The following SAMD13 variants were observed in gnomAD, a reference collection of about 807,000 sequenced individuals.
The protein encoded by SAMD13 is sterile alpha motif domain-containing protein 13.
In SAMD13, 9 loss-of-function variants were observed where a neutral mutation model predicts 12.4. The ratio of observed to expected loss-of-function variants is 0.72; its 90% confidence interval spans 0.44 to 1.26. The LOEUF (loss-of-function observed/expected upper bound fraction) is 1.26. Ranked by LOEUF, SAMD13 falls within the 50% of genes most tolerant of loss-of-function variation. The pLI, the probability that SAMD13 is intolerant of heterozygous loss-of-function variation, is 0.00. For synonymous variants in SAMD13, 46 were observed against 45.4 expected (o/e 1.01, Z -0.05); for missense variants, 84 against 119.6 (o/e 0.70, Z 1.39).
intron 2 of SAMD13, among the ~76,000 whole-genome samples, chr1:84,323,172 C>T (rs769511916): frequency 1.3e-5 from 2 of 152,060 alleles, no homozygotes; most frequent in African/African-American, 4.8e-5. Context: ...CAATGAACTC[C>T]TTTCTGAACA....
At chr1:84,336,290 G>C (rs909942353) in intron 3 of SAMD13, among the ~76,000 whole-genome samples, 1 of 151,930 alleles carries the variant, frequency 6.6e-6, no homozygotes, top group Non-Finnish European at 1.5e-5. Context: ...TTATTTGAGA[G>C]AGCCAGTGTA....
chr1:84,347,155 C>A (rs186329183), intron 3 of SAMD13, among the ~76,000 whole-genome samples: 14 of 152,322 alleles, frequency 9.2e-5, no homozygotes, highest in Non-Finnish European at 4.4e-5. Flanking sequence ...ATTCAGATTG[C>A]GGTTTGCCTG....
chr1:84,348,823 C>A (rs916732034), intron 3 of SAMD13, among the ~76,000 whole-genome samples: 1 of 152,140 alleles, frequency 6.6e-6, no homozygotes. Flanking sequence ...GCTGGCAGGG[C>A]CCTACCCCTC....
intron 3 of SAMD13, among the ~76,000 whole-genome samples, chr1:84,325,976 G>A (rs146161728): frequency 6.6e-6 from 1 of 152,250 alleles, no homozygotes; most frequent in East Asian, 1.9e-4. Flanking sequence ...GGAGAAGAAG[G>A]CTAAAGCTCA....
At chr1:84,298,674 C>T, upstream of SAMD13, 1 of 1,063,176 alleles carries the variant, frequency 9.4e-7, no homozygotes. Flanking sequence ...CTCTGCCCTC[C>T]CAAAAACACA....
intron 3 of SAMD13, among the ~76,000 whole-genome samples, chr1:84,337,979 C>A (rs1388614386): frequency 6.6e-6 from 1 of 152,174 alleles, no homozygotes; most frequent in African/African-American, 2.4e-5. Flanking sequence ...CAAGAGTCAC[C>A]TTTGCTCTAG....
rs150776800 is a variant in SAMD13 at position 84,338,776 on chromosome 1, CT to C, written c.166-10853del. On this transcript the variant is annotated intron_variant, in intron 3 of 3. Coordinates refer to ENST00000394834, the MANE Select transcript of SAMD13 (RefSeq NM_001134663.2). ...TTTAAAACCATTAGATCTCCTGAGA[CT>C]TATTCACTATCCTGAGAACAGCATG... Among the ~76,000 whole-genome samples, 496 of 152,172 alleles carry C rather than the reference CT, an allele frequency of 3.3e-3. 1 individual carries two copies. The highest frequency in any genetic ancestry group is 5.4e-3 in the Non-Finnish European group (368 of 67,998).
chr1:84,311,422 T>G (rs1678710435), intron 2 of SAMD13, among the ~76,000 whole-genome samples: 1 of 152,176 alleles, frequency 6.6e-6, no homozygotes, highest in Non-Finnish European at 1.5e-5. Flanking sequence ...AGTAAAATCT[T>G]GAACAGTACA....
In SAMD13 at chr1:84,350,047, GC is replaced by G. The variant is rs1460149481; in HGVS notation, c.*274del. 2.7e-6 allele frequency: 1 copy of G among 365,724 alleles called. No homozygotes were observed. Among genetic ancestry groups the G allele is most frequent in the Non-Finnish European group, 4.3e-6 (1 of 234,364 alleles). 22.7% of individuals were successfully genotyped at this position (365,724 alleles called of 1,614,324 possible). On this transcript the variant is annotated 3_prime_UTR_variant, in exon 4 of 4. Coordinates refer to ENST00000394834, the MANE Select transcript of SAMD13 (RefSeq NM_001134663.2). ...CGATTAGACACTCCTCCCCACAAAG[GC>G]TTTGAAATCATAAGGATTTTCCTCA... is the stretch of plus-strand genomic sequence containing the variant.
chr1:84,308,820 GA>G, intron 2 of SAMD13, among the ~76,000 whole-genome samples: 1 of 152,184 alleles, frequency 6.6e-6, no homozygotes, highest in African/African-American at 2.4e-5. Context: ...TATTAATTGA[GA>G]AAGAAAATTT....
At chr1:84,312,304 C>G (rs939921494) in intron 2 of SAMD13, among the ~76,000 whole-genome samples, 2 of 152,032 alleles carry the variant, frequency 1.3e-5, no homozygotes, top group Middle Eastern at 3.4e-3. Context: ...TGCTATTCAT[C>G]ATGAAATTTC....
At chr1:84,305,678 T>C (rs1187750502) in intron 2 of SAMD13, among the ~76,000 whole-genome samples, 1 of 152,146 alleles carries the variant, frequency 6.6e-6, no homozygotes, top group African/African-American at 2.4e-5. Context: ...TTTTTGTTTG[T>C]AGTGTGAGAT....
At chr1:84,313,133 C>T (rs755114044) in intron 2 of SAMD13, among the ~76,000 whole-genome samples, 1 of 152,056 alleles carries the variant, frequency 6.6e-6, no homozygotes, top group Non-Finnish European at 1.5e-5. Context: ...TGCACATACT[C>T]TATGTATCCA....
At chr1:84,314,658 A>C (rs1359959354) in intron 2 of SAMD13, among the ~76,000 whole-genome samples, 2 of 152,168 alleles carry the variant, frequency 1.3e-5, no homozygotes, top group East Asian at 1.9e-4. Context: ...TCTTCTTCCC[A>C]AAAAAACAGC....
At chr1:84,335,735 G>A (rs1323510871) in intron 3 of SAMD13, among the ~76,000 whole-genome samples, 1 of 152,184 alleles carries the variant, frequency 6.6e-6, no homozygotes, top group Non-Finnish European at 1.5e-5. Context: ...CGAAAGGCAG[G>A]TCTAGTGGTA....
chr1:84,303,269 G>A lies in SAMD13; in HGVS notation c.35G>A (p.Gly12Asp). Residue 12 changes from glycine (G) to aspartate (D), a missense_variant, in exon 2 of 4, where the codon GGC becomes GAC. Physicochemically the swap from Gly to Asp is moderately conservative, Grantham distance 94. Transcript: ENST00000394834. Reference protein sequence around the residue: ...LSVDMENKENGSVGVKNSMEN... With the variant: ...LSVDMENKENDSVGVKNSMEN... ...GTTGACATGGAAAACAAGGAAAATGGCTCTGTCGGTGTAAAAAAGTAAGTG... is the reference window on the plus strand; with the variant it reads ...GTTGACATGGAAAACAAGGAAAATGACTCTGTCGGTGTAAAAAAGTAAGTG... 4 of 1,612,700 alleles carry A rather than the reference G, an allele frequency of 2.5e-6. No homozygotes were observed. The highest frequency in any genetic ancestry group is 3.4e-6 in the Non-Finnish European group (4 of 1,178,956).
intron 1 of SAMD13, among the ~76,000 whole-genome samples, chr1:84,302,868 T>A (rs1678482237): frequency 6.6e-6 from 1 of 151,994 alleles, no homozygotes; most frequent in African/African-American, 2.4e-5. Context: ...TTTGACTCAT[T>A]TATGAGTTGC....
intron 3 of SAMD13, among the ~76,000 whole-genome samples, chr1:84,346,314 G>C (rs564820074): frequency 6.6e-6 from 1 of 151,970 alleles, no homozygotes; most frequent in African/African-American, 2.4e-5. Flanking sequence ...CTATCATCTC[G>C]GAACTTTACT....
At chr1:84,303,842 G>T (rs1678503278) in intron 2 of SAMD13, 2 of 152,322 alleles carry the variant, frequency 1.3e-5, no homozygotes, top group African/African-American at 4.8e-5. Flanking sequence ...GTTTATATGT[G>T]TCATGTAAGA....
Sources: gnomAD v4.1 joint callset for allele counts (sites outside exome capture counted in the v4.1 genomes callset) on GRCh38, gnomAD v4.1.1 for gene constraint, MANE v1.5 for transcripts, NCBI Gene and HGNC (gene_info 2026-07-23, HGNC 2026-07-21) for gene names.